The following CDH13 variants were observed in gnomAD, a reference collection of about 807,000 sequenced individuals.
CDH13 encodes cadherin 13.
Under a neutral mutation model 63.8 loss-of-function variants are expected in CDH13, and 24 were observed. The ratio of observed to expected loss-of-function variants is 0.38; its 90% CI spans 0.27 to 0.53. CDH13 has a LOEUF of 0.53. CDH13 is among the 20% of genes least tolerant of loss of function. The pLI, the probability that CDH13 is intolerant of heterozygous loss-of-function variation, is 0.85. For synonymous variants in CDH13, 503 were observed against 355.3 expected (o/e 1.42, Z -4.67); for missense variants, 1,049 against 903.1 (o/e 1.16, Z -2.07).
rs551051441 is a variant in CDH13, at chr16:83,463,169, G to A, written c.782-23308G>A. On this transcript the variant is annotated intron_variant, in intron 6 of 13. Transcript: ENST00000567109. ...GAAGCAGGAACAACCTGGGGCAGGG[G>A]CATTGAAGATTCTATTGCTGAATGA... Among the ~76,000 whole-genome samples the A allele has an allele frequency of 2.8e-3, 434 of 152,290 alleles. 5 individuals are homozygous for A. The highest frequency in any genetic ancestry group is 3.4e-3 in the Middle Eastern group (1 of 294).
At chr16:83,653,227 G>C (rs1912555707) in intron 8 of CDH13, among the ~76,000 whole-genome samples, 1 of 152,094 alleles carries the variant, frequency 6.6e-6, no homozygotes, top group African/African-American at 2.4e-5. Context: ...AATTGATTGT[G>C]GTGGTGGTTG....
At chr16:82,861,179 C>T (rs148138669) in intron 2 of CDH13, among the ~76,000 whole-genome samples, 79 of 152,308 alleles carry the variant, frequency 5.2e-4, no homozygotes, top group Non-Finnish European at 9.4e-4. Flanking sequence ...ATGTTTTAGT[C>T]TCATATAAAT....
At chr16:83,328,505 T>A in intron 5 of CDH13, among the ~76,000 whole-genome samples, 1 of 152,124 alleles carries the variant, frequency 6.6e-6, no homozygotes, top group South Asian at 2.1e-4. Flanking sequence ...AAAGGCCAAT[T>A]TACGTATTCA....
At chr16:83,314,511 G>A (rs1212454014) in intron 5 of CDH13, among the ~76,000 whole-genome samples, 2 of 152,040 alleles carry the variant, frequency 1.3e-5, no homozygotes, top group Non-Finnish European at 2.9e-5. Flanking sequence ...TGATCAATAT[G>A]CCTCATCATG....
At chr16:83,725,631 C>A (rs891283978) in intron 10 of CDH13, 1 of 152,220 alleles carries the variant, frequency 6.6e-6, no homozygotes, top group Non-Finnish European at 1.5e-5. Context: ...ATTGTCAGAA[C>A]GTTAAACAAC....
chr16:83,368,676 C>A (rs2091300185), intron 6 of CDH13, among the ~76,000 whole-genome samples: 1 of 141,962 alleles, frequency 7.0e-6, no homozygotes, highest in Admixed American at 7.1e-5. Context: ...CCATGCCCAA[C>A]CCTTTCCCCA....
At chr16:83,530,110 G>C (rs1009973037) in intron 7 of CDH13, among the ~76,000 whole-genome samples, 2 of 152,178 alleles carry the variant, frequency 1.3e-5, no homozygotes, top group African/African-American at 2.4e-5. Context: ...CTGCGTACCT[G>C]TTCCTGCTGG....
chr16:83,664,610 C>G (rs981476041), intron 8 of CDH13, among the ~76,000 whole-genome samples: 2 of 151,502 alleles, frequency 1.3e-5, no homozygotes, highest in African/African-American at 4.9e-5. Context: ...TGAAAATGTT[C>G]TCATACGTTT....
At chr16:83,596,606 T>C (rs1194630647) in intron 7 of CDH13, among the ~76,000 whole-genome samples, 2 of 152,074 alleles carry the variant, frequency 1.3e-5, no homozygotes, top group Non-Finnish European at 2.9e-5. Context: ...GAATTAAAAA[T>C]ACATGTGTAT....
intron 8 of CDH13, among the ~76,000 whole-genome samples, chr16:83,631,543 C>T (rs190922512): frequency 2.6e-5 from 4 of 152,154 alleles, no homozygotes; most frequent in Admixed American, 2.6e-4. Flanking sequence ...TGATGGAGTT[C>T]TTTCATTTAG....
At chr16:83,570,882 A>G (rs1904544116) in intron 7 of CDH13, among the ~76,000 whole-genome samples, 2 of 140,156 alleles carry the variant, frequency 1.4e-5, no homozygotes, top group African/African-American at 2.6e-5. Context: ...ATTTATATTT[A>G]TAAATGAAAC....
At chr16:83,465,659 A>G (rs1020540819) in intron 6 of CDH13, among the ~76,000 whole-genome samples, 2 of 152,180 alleles carry the variant, frequency 1.3e-5, no homozygotes, top group Admixed American at 6.5e-5. Context: ...GGAACACTCA[A>G]AGCAGACCTC....
intron 5 of CDH13, among the ~76,000 whole-genome samples, chr16:83,240,223 G>C (rs951322954): frequency 6.6e-6 from 1 of 152,114 alleles, no homozygotes. Flanking sequence ...GGAAGTAGGT[G>C]CAAAGATCCG....
chr16:83,712,629 A>G (rs142128574), intron 10 of CDH13, among the ~76,000 whole-genome samples: 154 of 152,348 alleles, frequency 1.0e-3, no homozygotes, highest in African/African-American at 3.5e-3. Flanking sequence ...GCCTGGTTGC[A>G]AGATGTGAGG....
chr16:82,756,162 T>A (rs1567503215), intron 1 of CDH13, among the ~76,000 whole-genome samples: 1 of 152,176 alleles, frequency 6.6e-6, no homozygotes, highest in Non-Finnish European at 1.5e-5. Flanking sequence ...GTTGCATATT[T>A]CTATTTGTTG....
intron 1 of CDH13, among the ~76,000 whole-genome samples, chr16:82,708,674 G>T (rs1024276243): frequency 2.6e-5 from 4 of 152,128 alleles, no homozygotes; most frequent in African/African-American, 7.2e-5. Context: ...GATAGTCAGG[G>T]TCTAAAACAC....
chr16:83,549,834 G>A (rs2075457737), intron 7 of CDH13, among the ~76,000 whole-genome samples: 1 of 152,198 alleles, frequency 6.6e-6, no homozygotes, highest in African/African-American at 2.4e-5. Flanking sequence ...GCTCATTACT[G>A]TAATCAAGGC....
chr16:83,227,877 A>G (rs13335426), intron 5 of CDH13, among the ~76,000 whole-genome samples: 8,140 of 152,192 alleles, frequency 0.053, 567 homozygotes, highest in African/African-American at 0.15. Flanking sequence ...GTTAGCCACT[A>G]TTTCACAGTG....
chr16:83,504,324 C>G (rs1164788712), intron 7 of CDH13, among the ~76,000 whole-genome samples: 1 of 152,184 alleles, frequency 6.6e-6, no homozygotes, highest in Non-Finnish European at 1.5e-5. Context: ...AGGTTCCAAC[C>G]TCACCCTTAC....
Sources: gnomAD v4.1 joint callset for allele counts (sites outside exome capture counted in the v4.1 genomes callset) on GRCh38, gnomAD v4.1.1 for gene constraint, MANE v1.5 for transcripts, NCBI Gene and HGNC (gene_info 2026-07-23, HGNC 2026-07-21) for gene names.